CRIM1: variants seen among roughly 807,000 people sequenced by gnomAD.
CRIM1 encodes the protein cysteine rich transmembrane BMP regulator 1.
Under a neutral mutation model 116.4 loss-of-function variants are expected in CRIM1, and 32 were observed. That is an observed-to-expected ratio of 0.27 (90% CI 0.21 to 0.37). CRIM1 has a LOEUF of 0.37. Among genes scored for constraint, CRIM1 ranks in the 10% least tolerant of loss-of-function variants. CRIM1 has a pLI of 1.00. For synonymous variants in CRIM1, 590 were observed against 509.2 expected, an observed-to-expected ratio of 1.16 and a Z score of -2.13; for missense variants, 1,331 against 1,354.8, an observed-to-expected ratio of 0.98 and a Z score of 0.28.
intron 7 of CRIM1, among the ~76,000 whole-genome samples, chr2:36,487,599 T>C (rs1679922054): frequency 6.7e-6 from 1 of 149,112 alleles, no homozygotes; most frequent in African/African-American, 2.5e-5. Flanking sequence ...TGAGTAAAAC[T>C]GTTTAGAGGA....
intron 2 of CRIM1, among the ~76,000 whole-genome samples, chr2:36,415,622 C>T (rs565548517): frequency 5.3e-5 from 8 of 152,214 alleles, no homozygotes; most frequent in Admixed American, 4.6e-4. Flanking sequence ...GCATGATTAT[C>T]GTCACACTAG....
At chr2:36,367,658 A>C (rs1669687458) in intron 1 of CRIM1, among the ~76,000 whole-genome samples, 1 of 152,150 alleles carries the variant, frequency 6.6e-6, no homozygotes, top group Non-Finnish European at 1.5e-5. Flanking sequence ...GGGAAGGAAA[A>C]AGTGATAGTG....
At chr2:36,472,605 A>G (rs1678618194) in intron 5 of CRIM1, among the ~76,000 whole-genome samples, 1 of 152,124 alleles carries the variant, frequency 6.6e-6, no homozygotes, top group Non-Finnish European at 1.5e-5. Context: ...TTTATTCATA[A>G]CCAGAACCTG....
chr2:36,388,543 A>C (rs887477472), intron 1 of CRIM1, among the ~76,000 whole-genome samples: 20 of 152,158 alleles, frequency 1.3e-4, no homozygotes, highest in Admixed American at 1.0e-3. Context: ...TTGTAATTAA[A>C]AAATTGGAGC....
chr2:36,418,793 C>G lies in CRIM1; in HGVS notation c.505+22006C>G, dbSNP rs571134134. On this transcript the variant is annotated intron_variant, in intron 2 of 16. Coordinates refer to ENST00000280527, the MANE Select transcript of CRIM1 (RefSeq NM_016441.3). The stretch of plus-strand genomic sequence containing the variant: ...GTCTTGATCAAAAGTTTTGTTTCCA[C>G]TGGGTCTCTGTCCTGAGGTCTCCAT... Among the ~76,000 whole-genome samples, 29 of 152,308 alleles carry G rather than the reference C, an allele frequency of 1.9e-4. No homozygotes were observed. In the South Asian group the frequency reaches 6.0e-3, roughly 32 times the overall value.
chr2:36,371,366 A>C (rs1361146631), intron 1 of CRIM1, among the ~76,000 whole-genome samples: 3 of 152,078 alleles, frequency 2.0e-5, no homozygotes, highest in Non-Finnish European at 2.9e-5. Flanking sequence ...ATTGTGATCT[A>C]TTTGAGTGCC....
chr2:36,465,977 C>T (rs987287666), intron 5 of CRIM1, among the ~76,000 whole-genome samples: 4 of 151,916 alleles, frequency 2.6e-5, no homozygotes, highest in African/African-American at 9.7e-5. Flanking sequence ...GCTCTGCCTC[C>T]CAGGTTCACG....
chr2:36,356,633 C>G lies in CRIM1; in HGVS notation c.331+10C>G, dbSNP rs749410861. ...GCGGGCGTTTGCGAAGGTACGGCCG[C>G]CCGCTGCGGGCCCCCTCCCACCTGG... On this transcript the variant is annotated intron_variant, in intron 1 of 16. Transcript: ENST00000280527. This position sits in a 1 kb window ranked among gnomAD's most constrained non-coding sequence, Gnocchi z 4.3. 3.1e-6 allele frequency: 5 copies of G among 1,599,896 alleles called. No individual in the cohort carries two copies. In the African/African-American group the frequency reaches 6.7e-5, roughly 21 times the overall value.
At chr2:36,377,640 A>G (rs1197712576) in intron 1 of CRIM1, among the ~76,000 whole-genome samples, 4 of 152,212 alleles carry the variant, frequency 2.6e-5, no homozygotes, top group Non-Finnish European at 4.4e-5. Flanking sequence ...AGTGGCTTGT[A>G]TACAGTAAGC....
At chr2:36,422,014 A>G (rs1349374875) in intron 2 of CRIM1, among the ~76,000 whole-genome samples, 2 of 151,970 alleles carry the variant, frequency 1.3e-5, no homozygotes, top group Non-Finnish European at 2.9e-5. Flanking sequence ...AGCTTAAACT[A>G]TTAGGCACTG....
chr2:36,400,681 C>T (rs935861140), intron 2 of CRIM1, among the ~76,000 whole-genome samples: 1 of 152,032 alleles, frequency 6.6e-6, no homozygotes, highest in African/African-American at 2.4e-5. Context: ...TCAGGTACTA[C>T]CTAGGTTTCA....
chr2:36,518,011 A>G (rs1289149327), intron 12 of CRIM1, among the ~76,000 whole-genome samples: 2 of 152,182 alleles, frequency 1.3e-5, no homozygotes, highest in Non-Finnish European at 2.9e-5. Context: ...GCATAATGCC[A>G]CCCCCTCCAA....
intron 2 of CRIM1, among the ~76,000 whole-genome samples, chr2:36,412,000 C>A (rs1673249254): frequency 6.6e-6 from 1 of 152,162 alleles, no homozygotes; most frequent in Admixed American, 6.5e-5. Context: ...GCTTCCCGCA[C>A]ACTAGTGAAG....
chr2:36,542,267 A>C (rs1467705650), intron 14 of CRIM1, among the ~76,000 whole-genome samples: 1 of 152,250 alleles, frequency 6.6e-6, no homozygotes, highest in African/African-American at 2.4e-5. Flanking sequence ...AGTGCCTGCC[A>C]TGTAGGAAGT....
chr2:36,444,221 A>G (rs977411652), intron 4 of CRIM1, among the ~76,000 whole-genome samples: 2 of 152,218 alleles, frequency 1.3e-5, no homozygotes, highest in African/African-American at 4.8e-5. Flanking sequence ...CCATCTGCAC[A>G]TAGGAGGCAC....
At chr2:36,454,950 A>G (rs1013172597) in intron 4 of CRIM1, among the ~76,000 whole-genome samples, 1 of 152,304 alleles carries the variant, frequency 6.6e-6, no homozygotes, top group African/African-American at 2.4e-5. Flanking sequence ...AGGCGTTAGG[A>G]AGATGGTGGT....
chr2:36,513,861 A>G, intron 11 of CRIM1, 96 bp downstream of exon 11: 1 of 1,095,396 alleles, frequency 9.1e-7, no homozygotes, highest in Non-Finnish European at 1.3e-6. Flanking sequence ...GTTGGAGGGG[A>G]CAACCCCTGG....
intron 1 of CRIM1, among the ~76,000 whole-genome samples, chr2:36,359,405 C>G (rs1003557514): frequency 1.3e-5 from 2 of 152,156 alleles, no homozygotes; most frequent in Non-Finnish European, 2.9e-5. Flanking sequence ...TACTCTCATA[C>G]TGGCTTTGTA....
chr2:36,421,307 A>G (rs1023133200), intron 2 of CRIM1, among the ~76,000 whole-genome samples: 2 of 152,210 alleles, frequency 1.3e-5, no homozygotes, highest in African/African-American at 2.4e-5. Context: ...TCATGAAACA[A>G]AAGGCTTTGG....
Sources: gnomAD v4.1 joint callset for allele counts (sites outside exome capture counted in the v4.1 genomes callset) on GRCh38, gnomAD v4.1.1 for gene constraint, Gnocchi (gnomAD v3.1) non-coding constraint, MANE v1.5 for transcripts, NCBI Gene and HGNC (gene_info 2026-07-23, HGNC 2026-07-21) for gene names.